The following PGBD5 variants were observed in gnomAD, a reference collection of about 807,000 sequenced individuals.
The protein encoded by PGBD5 is piggyBac transposable element derived 5.
In PGBD5, 14 loss-of-function variants were observed where a neutral mutation model predicts 47.9. That is an observed-to-expected ratio of 0.29 (90% confidence interval 0.19 to 0.46). The LOEUF is 0.46. Among genes scored for constraint, PGBD5 ranks in the 20% least tolerant of loss-of-function variants. The probability of loss-of-function intolerance (pLI) is 1.00; values close to 1 mark genes in which losing one functional copy is unlikely to be tolerated. For missense variants in PGBD5, 635 were observed against 716.0 expected (o/e 0.89, Z 1.29); for synonymous variants, 316 against 306.3 (o/e 1.03, Z -0.33).
At chr1:230,377,462 C>T in intron 1 of PGBD5, 1 of 1,604,682 alleles carries the variant, frequency 6.2e-7, no homozygotes, top group Non-Finnish European at 8.5e-7. Flanking sequence ...AGATCTCTTG[C>T]CCAGAGCTGG....
intron 1 of PGBD5, among the ~76,000 whole-genome samples, chr1:230,407,476 T>C (rs973787059): frequency 7.2e-5 from 11 of 152,208 alleles, no homozygotes; most frequent in African/African-American, 2.4e-4. Context: ...CAGCAGACAT[T>C]TGGCTGTGCA....
At position 230,319,372 on chromosome 1, in the gene PGBD5, C is replaced by G. The variant is rs1667000150; in HGVS notation, c.*4053G>C. 2 of 152,322 alleles carry G rather than the reference C, an allele frequency of 1.3e-5. No homozygotes were observed. The highest frequency in any genetic ancestry group is 4.8e-5 in the African/African-American group (2 of 41,472). 9.4% of individuals were successfully genotyped at this position (152,322 alleles called of 1,614,324 possible). On this transcript the variant is annotated 3_prime_UTR_variant, in exon 7 of 7. Coordinates refer to ENST00000391860, the MANE Select transcript of PGBD5 (RefSeq NM_001258311.2). ...GTACCACACCCAAGGTCACCTTTCT[C>G]CCCCATCAGTGTCGTTGACTTGTTC...
chr1:230,401,643 C>T (rs1027089504), intron 1 of PGBD5, among the ~76,000 whole-genome samples: 1 of 152,234 alleles, frequency 6.6e-6, no homozygotes, highest in African/African-American at 2.4e-5. Context: ...CTGGCCTCAG[C>T]AAGTAATCAG....
intron 3 of PGBD5, among the ~76,000 whole-genome samples, chr1:230,350,151 C>G (rs1667539369): frequency 6.6e-6 from 1 of 152,218 alleles, no homozygotes; most frequent in South Asian, 2.1e-4. Context: ...AGCGTGCGGT[C>G]AGCAGTCACC....
At chr1:230,369,773 G>A (rs980731516) in intron 1 of PGBD5, among the ~76,000 whole-genome samples, 2 of 152,204 alleles carry the variant, frequency 1.3e-5, no homozygotes, top group South Asian at 2.1e-4. Flanking sequence ...GTCCTATCTC[G>A]GCACAACTGG....
chr1:230,349,294 G>A (rs528295973), intron 3 of PGBD5, among the ~76,000 whole-genome samples: 51 of 152,240 alleles, frequency 3.3e-4, no homozygotes, highest in Non-Finnish European at 5.3e-4. Flanking sequence ...TTGGGAGGCC[G>A]AGGCGGGATG....
intron 4 of PGBD5, among the ~76,000 whole-genome samples, chr1:230,335,153 A>G (rs1428320290): frequency 6.7e-5 from 9 of 133,764 alleles, no homozygotes; most frequent in Admixed American, 2.2e-4. Flanking sequence ...ACAGGTACAC[A>G]TACAGACACA....
chr1:230,391,382 A>T (rs1656782783), intron 1 of PGBD5, among the ~76,000 whole-genome samples: 1 of 152,222 alleles, frequency 6.6e-6, no homozygotes, highest in Non-Finnish European at 1.5e-5. Flanking sequence ...AGGAAAAAAT[A>T]TGAGTTTGCT....
intron 1 of PGBD5, among the ~76,000 whole-genome samples, chr1:230,389,673 G>A (rs113291196): frequency 6.6e-6 from 1 of 152,128 alleles, no homozygotes; most frequent in Non-Finnish European, 1.5e-5. Context: ...GAGAGCTGTG[G>A]AAATGTTCAA....
Position 230,323,808 on chromosome 1 carries a change from G to A in PGBD5, c.1380-188C>T, listed in dbSNP as rs145445193. ...AGTTCCAGCTGGGGGTTTTGTCACA[G>A]TGAACTTCATTTAAGACCAAGGAAA... On this transcript the variant is annotated intron_variant, in intron 6 of 6. Coordinates refer to ENST00000391860, the MANE Select transcript of PGBD5 (RefSeq NM_001258311.2). The surrounding 1 kb of genome is among the most constrained non-coding windows in gnomAD (Gnocchi z 4.1). Among the ~76,000 whole-genome samples the A allele has an allele frequency of 3.9e-3, 591 of 152,320 alleles. 8 individuals carry two copies. The East Asian group carries it at 0.051, about 13-fold the overall frequency.
intron 2 of PGBD5, among the ~76,000 whole-genome samples, chr1:230,354,569 T>G (rs1282365569): frequency 6.6e-6 from 1 of 152,190 alleles, no homozygotes; most frequent in East Asian, 1.9e-4. Flanking sequence ...TTACCAATGA[T>G]AAGACAATAA....
At chr1:230,397,788 T>C (rs886356682) in intron 1 of PGBD5, among the ~76,000 whole-genome samples, 2 of 152,158 alleles carry the variant, frequency 1.3e-5, no homozygotes, top group Non-Finnish European at 2.9e-5. Context: ...GCTTCTGAAT[T>C]GGATGACATC....
At chr1:230,368,128 T>G in intron 1 of PGBD5, 2 of 1,367,768 alleles carry the variant, frequency 1.5e-6, no homozygotes, top group Non-Finnish European at 2.0e-6. Flanking sequence ...ACACAGATGG[T>G]GGTGGTGAGG....
intron 1 of PGBD5, among the ~76,000 whole-genome samples, chr1:230,359,372 G>C (rs112826563): frequency 0.011 from 1,719 of 152,162 alleles, 27 homozygotes; most frequent in African/African-American, 0.037. Flanking sequence ...CCTGTGTATC[G>C]ATTGCTAACA....
At chr1:230,391,049 G>C (rs1656771024) in intron 1 of PGBD5, among the ~76,000 whole-genome samples, 1 of 151,472 alleles carries the variant, frequency 6.6e-6, no homozygotes. Flanking sequence ...CTCATTGCCA[G>C]TTTTTATCCA....
intron 5 of PGBD5, 107 bp downstream of exon 5, chr1:230,332,737 G>A (rs1476826505): frequency 3.0e-6 from 4 of 1,327,858 alleles, no homozygotes; most frequent in Non-Finnish European, 4.2e-6. Context: ...TCTGACCCCA[G>A]AGCAGCACAG....
At chr1:230,329,593 CCT>C (rs1320697972) in intron 5 of PGBD5, among the ~76,000 whole-genome samples, 1 of 152,220 alleles carries the variant, frequency 6.6e-6, no homozygotes, top group Non-Finnish European at 1.5e-5. Context: ...CTCACTGCAA[CCT>C]CTGTCTCCCA....
chr1:230,382,644 G>T (rs1656530832), intron 1 of PGBD5, among the ~76,000 whole-genome samples: 1 of 152,160 alleles, frequency 6.6e-6, no homozygotes, highest in African/African-American at 2.4e-5. Context: ...TAGGGTGGTT[G>T]GTCACCTGAG....
intron 3 of PGBD5, among the ~76,000 whole-genome samples, chr1:230,346,781 G>A (rs1346314465): frequency 1.3e-5 from 2 of 152,128 alleles, no homozygotes; most frequent in Admixed American, 1.3e-4. Flanking sequence ...GCGACGTACA[G>A]ACACACCTCC....
Sources: gnomAD v4.1 joint callset for allele counts (sites outside exome capture counted in the v4.1 genomes callset) on GRCh38, gnomAD v4.1.1 for gene constraint, Gnocchi (gnomAD v3.1) non-coding constraint, MANE v1.5 for transcripts, NCBI Gene and HGNC (gene_info 2026-07-23, HGNC 2026-07-21) for gene names.